Variants in DOK5 observed in about 807,000 individuals in gnomAD.
DOK5 encodes downstream of tyrosine kinase 5.
Under a neutral mutation model 43.3 loss-of-function variants are expected in DOK5, and 27 were observed. The ratio of observed to expected loss-of-function variants is 0.62; its 90% CI spans 0.46 to 0.86. The LOEUF is 0.86. Among genes scored for constraint, DOK5 ranks in the 40% least tolerant of loss-of-function variants. The probability of loss-of-function intolerance (pLI) is 0.00; values close to 1 mark genes in which losing one functional copy is unlikely to be tolerated. For missense variants in DOK5, 373 were observed against 392.9 expected (o/e 0.95, Z 0.43); for synonymous variants, 146 against 140.1 (o/e 1.04, Z -0.30).
At position 54,480,948 on chromosome 20, in the gene DOK5, TATC is replaced by T. The variant is rs1392493341; in HGVS notation, c.66+4940_66+4942del. The stretch of plus-strand genomic sequence containing the variant: ...ATCAATCATCTATCATCTATCTATC[TATC>T]ATCTATCTATCATCTATCATCTATC... On this transcript the variant is annotated intron_variant, in intron 1 of 7. Coordinates refer to ENST00000262593, the MANE Select transcript of DOK5 (RefSeq NM_018431.5). Among the ~76,000 whole-genome samples the T allele has an allele frequency of 4.6e-4, 58 of 126,732 alleles. 1 individual carries two copies. Among genetic ancestry groups the T allele is most frequent in the African/African-American group, 1.3e-3 (37 of 29,442 alleles). 83.1% of individuals were successfully genotyped at this position (126,732 alleles called of 152,430 possible). A position where few individuals can be genotyped will look rare whatever the true frequency, so the allele number is the denominator to read the frequency against.
At chr20:54,594,055 A>G (rs1986060841) in intron 5 of DOK5, among the ~76,000 whole-genome samples, 1 of 152,176 alleles carries the variant, frequency 6.6e-6, no homozygotes, top group African/African-American at 2.4e-5. Flanking sequence ...TAAGCTTAAT[A>G]CCTGCATGAT....
At chr20:54,533,193 A>G (rs1228307503) in intron 1 of DOK5, among the ~76,000 whole-genome samples, 1 of 152,122 alleles carries the variant, frequency 6.6e-6, no homozygotes, top group African/African-American at 2.4e-5. Context: ...GCGTTGTAGG[A>G]TATTTGCCTG....
In DOK5 at chr20:54,480,707, A is replaced by C. The variant is rs577343061; in HGVS notation, c.66+4695A>C. On this transcript the variant is annotated intron_variant, in intron 1 of 7. Coordinates refer to ENST00000262593, the MANE Select transcript of DOK5 (RefSeq NM_018431.5). ...AGAACCCCTGTCTGGTAACAAAACCATTGGTGACTTTCCATATACTGCAGA... is the reference window on the plus strand; with the variant it reads ...AGAACCCCTGTCTGGTAACAAAACCCTTGGTGACTTTCCATATACTGCAGA... Among the ~76,000 whole-genome samples, 3 of 152,260 alleles carry C rather than the reference A, an allele frequency of 2.0e-5. No homozygotes were observed. The South Asian group carries it at 6.2e-4, about 32-fold the overall frequency.
At chr20:54,610,662 T>G (rs1986617482) in intron 6 of DOK5, 139 bp downstream of exon 6, 1 of 1,028,100 alleles carries the variant, frequency 9.7e-7, no homozygotes. Context: ...TCACTTGGAT[T>G]AAATGGCATT....
Position 54,636,087 on chromosome 20 carries a change from C to A in DOK5, c.736-7371C>A, listed in dbSNP as rs887204336. ...GAGAGACCAAGAGGGGATGAACCTA[C>A]TCCTGCAATAATACACCTGAAACCG... On this transcript the variant is annotated intron_variant, in intron 6 of 7. Transcript: ENST00000262593. Among the ~76,000 whole-genome samples the A allele has an allele frequency of 2.0e-5, 3 of 152,184 alleles. No homozygotes were observed. The East Asian group carries it at 5.8e-4, about 29-fold the overall frequency.
intron 5 of DOK5, among the ~76,000 whole-genome samples, chr20:54,609,147 A>G (rs575391691): frequency 6.6e-6 from 1 of 152,334 alleles, no homozygotes; most frequent in South Asian, 2.1e-4. Context: ...GTATTATTGC[A>G]TTAACTGCAT....
chr20:54,649,860 T>C (rs1181844144), intron 7 of DOK5, among the ~76,000 whole-genome samples: 4 of 152,218 alleles, frequency 2.6e-5, no homozygotes, highest in Non-Finnish European at 5.9e-5. Flanking sequence ...ATATTTAGTG[T>C]CTGGCTCTTT....
intron 6 of DOK5, among the ~76,000 whole-genome samples, chr20:54,610,864 GC>G (rs989880131): frequency 6.6e-6 from 1 of 152,166 alleles, no homozygotes; most frequent in African/African-American, 2.4e-5. Flanking sequence ...GTCAACAGGG[GC>G]CAGAGAGAAA....
intron 1 of DOK5, among the ~76,000 whole-genome samples, chr20:54,482,686 A>G (rs1600651051): frequency 6.6e-6 from 1 of 152,148 alleles, no homozygotes; most frequent in Non-Finnish European, 1.5e-5. Flanking sequence ...TAGTAGAGAC[A>G]GGGTTTCACC....
intron 2 of DOK5, among the ~76,000 whole-genome samples, chr20:54,569,443 T>C (rs1159131032): frequency 6.6e-6 from 1 of 152,202 alleles, no homozygotes. Flanking sequence ...CATACCCAAA[T>C]TGGTGGACAA....
At chr20:54,561,365 G>A (rs1984897436) in intron 2 of DOK5, among the ~76,000 whole-genome samples, 1 of 152,218 alleles carries the variant, frequency 6.6e-6, no homozygotes, top group African/African-American at 2.4e-5. Flanking sequence ...TGTGCAGAGA[G>A]ATATGTTCCT....
intron 6 of DOK5, 87 bp from the exon 7 acceptor site, chr20:54,643,371 T>G: frequency 6.5e-7 from 1 of 1,546,090 alleles, no homozygotes; most frequent in Non-Finnish European, 8.8e-7. Flanking sequence ...TCTGTGGTTC[T>G]TTTACTCCAT....
intron 1 of DOK5, among the ~76,000 whole-genome samples, chr20:54,520,243 TTTTTCTCACA>T (rs1378834087): frequency 1.3e-5 from 2 of 152,164 alleles, no homozygotes; most frequent in Non-Finnish European, 2.9e-5. Flanking sequence ...GAGTTCTCTC[TTTTTCTCACA>T]TTTTATTAGC....
chr20:54,489,124 C>T (rs1281765187), intron 1 of DOK5, among the ~76,000 whole-genome samples: 4 of 152,140 alleles, frequency 2.6e-5, no homozygotes, highest in Admixed American at 6.5e-5. Context: ...TAGAATTTCT[C>T]ATAGTTGTTT....
At chr20:54,620,718 C>T (rs552801258) in intron 6 of DOK5, among the ~76,000 whole-genome samples, 21 of 152,238 alleles carry the variant, frequency 1.4e-4, no homozygotes, top group African/African-American at 4.3e-4. Context: ...TTTACTCTGA[C>T]GTATACTAGC....
intron 1 of DOK5, among the ~76,000 whole-genome samples, chr20:54,519,301 A>T (rs1983311269): frequency 6.6e-6 from 1 of 152,212 alleles, no homozygotes; most frequent in African/African-American, 2.4e-5. Flanking sequence ...AAGGGACATG[A>T]TGTATGTTTA....
intron 1 of DOK5, among the ~76,000 whole-genome samples, chr20:54,525,749 C>A (rs1015545694): frequency 1.3e-5 from 2 of 152,154 alleles, no homozygotes; most frequent in Non-Finnish European, 2.9e-5. Context: ...TGTTTTACTG[C>A]CAATTTTTAC....
intron 1 of DOK5, among the ~76,000 whole-genome samples, chr20:54,522,580 T>C (rs1983446031): frequency 6.6e-6 from 1 of 151,000 alleles, no homozygotes; most frequent in Admixed American, 6.6e-5. Flanking sequence ...AGTGCAGTGG[T>C]GTGATCTTGG....
chr20:54,476,156 C>G, intron 1 of DOK5, 144 bp downstream of exon 1: 1 of 1,519,522 alleles, frequency 6.6e-7, no homozygotes. Flanking sequence ...CCCGCGTCTC[C>G]GGGGCTGTCA....
Sources: gnomAD v4.1 joint callset for allele counts (sites outside exome capture counted in the v4.1 genomes callset) on GRCh38, gnomAD v4.1.1 for gene constraint, MANE v1.5 for transcripts, NCBI Gene and HGNC (gene_info 2026-07-23, HGNC 2026-07-21) for gene names.